The following CCBE1 variants were observed in gnomAD, a reference collection of about 807,000 sequenced individuals.
The protein encoded by CCBE1 is collagen and calcium binding EGF domains 1.
Under a neutral mutation model 50.0 loss-of-function variants are expected in CCBE1, and 37 were observed. The observed-to-expected ratio is 0.74, with a 90% CI of 0.57 to 0.97. CCBE1 has a LOEUF of 0.97. Ranked by LOEUF, CCBE1 falls within the 50% of genes least tolerant of loss-of-function variation. CCBE1 has a pLI of 0.00. For missense variants in CCBE1, 538 were observed against 523.8 expected, an observed-to-expected ratio of 1.03 and a Z score of -0.26; for synonymous variants, 234 against 203.7, an observed-to-expected ratio of 1.15 and a Z score of -1.27.
At chr18:59,677,819 T>C (rs1225054240) in intron 2 of CCBE1, among the ~76,000 whole-genome samples, 1 of 152,124 alleles carries the variant, frequency 6.6e-6, no homozygotes, top group Non-Finnish European at 1.5e-5. Flanking sequence ...TGAGTTTGAA[T>C]ATATTGAGAG....
intron 2 of CCBE1, among the ~76,000 whole-genome samples, chr18:59,662,479 C>T (rs2054298485): frequency 1.3e-5 from 2 of 152,330 alleles, no homozygotes; most frequent in South Asian, 4.1e-4. Context: ...CACCTCAATG[C>T]CAGCACCATG....
intron 2 of CCBE1, among the ~76,000 whole-genome samples, chr18:59,526,604 C>T (rs558571503): frequency 2.3e-4 from 35 of 152,234 alleles, no homozygotes; most frequent in Non-Finnish European, 4.4e-4. Flanking sequence ...CCACCATGCC[C>T]GGCCAATTGG....
chr18:59,492,670 A>C (rs891537160), intron 2 of CCBE1, among the ~76,000 whole-genome samples: 1 of 152,246 alleles, frequency 6.6e-6, no homozygotes, highest in African/African-American at 2.4e-5. Context: ...TCGGTTGTGC[A>C]TAAGAGAAAA....
At chr18:59,476,483 A>T (rs1912312634) in intron 3 of CCBE1, among the ~76,000 whole-genome samples, 1 of 152,202 alleles carries the variant, frequency 6.6e-6, no homozygotes, top group Admixed American at 6.5e-5. Flanking sequence ...GCCAGATGAT[A>T]TTTTGGCTTT....
At chr18:59,454,144 T>G (rs1911068345) in intron 6 of CCBE1, among the ~76,000 whole-genome samples, 1 of 152,210 alleles carries the variant, frequency 6.6e-6, no homozygotes, top group Admixed American at 6.5e-5. Flanking sequence ...ATATTCTCTA[T>G]AAATAATGTA....
At chr18:59,519,636 A>T (rs1408888237) in intron 2 of CCBE1, among the ~76,000 whole-genome samples, 1 of 152,180 alleles carries the variant, frequency 6.6e-6, no homozygotes, top group Non-Finnish European at 1.5e-5. Flanking sequence ...GTTCACTCTG[A>T]TGATAGTTTC....
intron 2 of CCBE1, among the ~76,000 whole-genome samples, chr18:59,555,149 G>A (rs901625642): frequency 1.3e-5 from 2 of 152,122 alleles, no homozygotes; most frequent in African/African-American, 4.8e-5. Context: ...TGAGACATAT[G>A]GTGGTAAATA....
chr18:59,579,851 C>G lies in CCBE1; in HGVS notation c.213-99613G>C, dbSNP rs6567106. Among the ~76,000 whole-genome samples the G allele has an allele frequency of 2.0e-3, 299 of 152,254 alleles. 4 individuals are homozygous for G. The East Asian group carries it at 0.03, about 15-fold the overall frequency. Reference sequence around the variant, plus strand: ...TCCCCGACTGAGACAGAACACACCTCGAACATACTGAGCCACCACCTTTAC... The same window carrying G: ...TCCCCGACTGAGACAGAACACACCTGGAACATACTGAGCCACCACCTTTAC... On this transcript the variant is annotated intron_variant, in intron 2 of 10. Transcript: ENST00000439986.
intron 2 of CCBE1, among the ~76,000 whole-genome samples, chr18:59,496,026 A>T (rs567207610): frequency 2.8e-4 from 42 of 152,320 alleles, no homozygotes; most frequent in African/African-American, 9.9e-4. Flanking sequence ...TAGAAGAGAG[A>T]AACTACCCCA....
intron 2 of CCBE1, among the ~76,000 whole-genome samples, chr18:59,610,496 T>C (rs1225630840): frequency 3.3e-5 from 5 of 149,606 alleles, no homozygotes; most frequent in Admixed American, 1.3e-4. Flanking sequence ...AGAGAAAATC[T>C]TATCCTCAAG....
intron 3 of CCBE1, among the ~76,000 whole-genome samples, chr18:59,470,779 A>AT (rs1911995032): frequency 6.6e-6 from 1 of 152,206 alleles, no homozygotes; most frequent in Non-Finnish European, 1.5e-5. Flanking sequence ...GTGCTGACAG[A>AT]TAAACTATAC....
At chr18:59,679,544 T>C (rs940235001) in intron 2 of CCBE1, among the ~76,000 whole-genome samples, 6 of 152,204 alleles carry the variant, frequency 3.9e-5, no homozygotes, top group East Asian at 3.9e-4. Context: ...CGTATGAGCA[T>C]ATGACTCTCC....
Position 59,466,758 on chromosome 18 carries a change from G to T in CCBE1, c.534C>A (p.Asp178Glu), listed in dbSNP as rs146639693. 24 of 1,612,918 alleles carry T rather than the reference G, an allele frequency of 1.5e-5. No individual in the cohort carries two copies. Among genetic ancestry groups the T allele is most frequent in the South Asian group, 2.2e-5 (2 of 91,044 alleles). The change falls in exon 5 of 11, where the codon GAC becomes GAA. Residue 178 changes from aspartate to glutamate, a missense_variant. Physicochemically the swap from Asp to Glu is conservative, Grantham distance 45. Coordinates refer to ENST00000439986, the MANE Select transcript of CCBE1 (RefSeq NM_133459.4). ...ACTTACCAGTGTCATTGGGATATTT[G>T]TCTCCCCTGGTACATGTCTTCCCAT... The part of the protein sequence containing the change: ...EDDGKTCTRG[D>E]KYPNDTGHEK...
rs547597803 is a variant in CCBE1, at chr18:59,538,637, C to A, written c.213-58399G>T. 2.7e-3 allele frequency among the ~76,000 whole-genome samples: 410 copies of A among 152,232 alleles called. 1 individual carries two copies. The highest frequency in any genetic ancestry group is 4.9e-3 in the Non-Finnish European group (332 of 68,018). On this transcript the variant is annotated intron_variant, in intron 2 of 10. Coordinates refer to ENST00000439986, the MANE Select transcript of CCBE1 (RefSeq NM_133459.4). ...AAAAAATGCCTGACGTGAGGAGGGACAAGAGTAAACAGTCAAAAGTGGGCC... is the reference window on the plus strand; with the variant it reads ...AAAAAATGCCTGACGTGAGGAGGGAAAAGAGTAAACAGTCAAAAGTGGGCC...
chr18:59,499,096 G>C (rs1339391203), intron 2 of CCBE1, among the ~76,000 whole-genome samples: 1 of 152,210 alleles, frequency 6.6e-6, no homozygotes, highest in Non-Finnish European at 1.5e-5. Flanking sequence ...CTGCTAGAAA[G>C]TCCAGTGATA....
chr18:59,534,789 A>G (rs1356249783), intron 2 of CCBE1, among the ~76,000 whole-genome samples: 1 of 152,220 alleles, frequency 6.6e-6, no homozygotes. Context: ...AGAGCTGCGT[A>G]GCCTGGAATT....
intron 2 of CCBE1, among the ~76,000 whole-genome samples, chr18:59,499,737 C>T (rs576012816): frequency 2.0e-4 from 30 of 152,310 alleles, no homozygotes; most frequent in African/African-American, 7.2e-4. Context: ...CAAACCATAT[C>T]GCTAGGTAAG....
At position 59,469,511 on chromosome 18, in the gene CCBE1, C is replaced by A; in HGVS notation, c.362G>T (p.Arg121Leu). ...CTCYPGYRYD[R>L]ERHRKREKPY... is the part of the protein sequence containing the mutation. ...CTTCTCCCGCTTCCGGTGTCTCTCC[C>A]GGTCATATCGGTATCCCGGATAACA... is the stretch of plus-strand genomic sequence containing the variant. Residue 121 changes from arginine to leucine, a missense_variant, in exon 4 of 11, where the codon CGG (arginine) becomes CTG (leucine). By Grantham distance (102) the Arg-to-Leu change is moderately radical. Transcript: ENST00000439986. The A allele has an allele frequency of 6.2e-7, 1 of 1,614,182 alleles. No individual in the cohort carries two copies. Among genetic ancestry groups the A allele is most frequent in the Non-Finnish European group, 8.5e-7 (1 of 1,180,040 alleles).
rs139642870 is a variant in CCBE1 at position 59,655,130 on chromosome 18, C to T, written c.212+41499G>A. On this transcript the variant is annotated intron_variant, in intron 2 of 10. Transcript: ENST00000439986. ...AGAGAAAACCTCAACAGCCATGACC[C>T]AGCCTTGTGACTACAAGCAATGCCC... 1.5e-3 allele frequency among the ~76,000 whole-genome samples: 220 copies of T among 150,516 alleles called. 4 individuals carry two copies. The Middle Eastern group carries it at 0.029, about 20-fold the overall frequency.
Sources: gnomAD v4.1 joint callset for allele counts (sites outside exome capture counted in the v4.1 genomes callset) on GRCh38, gnomAD v4.1.1 for gene constraint, MANE v1.5 for transcripts, NCBI Gene and HGNC (gene_info 2026-07-23, HGNC 2026-07-21) for gene names.